The following ROR2 variants were observed in gnomAD, a reference collection of about 807,000 sequenced individuals.
ROR2 encodes the protein tyrosine-protein kinase transmembrane receptor ROR2.
ROR2 carries 33 observed loss-of-function variants against 74.9 expected under a neutral mutation model. The observed-to-expected ratio is 0.44, with a 90% CI of 0.33 to 0.59. ROR2 has a LOEUF of 0.59. Among genes scored for constraint, ROR2 ranks in the 20% least tolerant of loss-of-function variants. ROR2 has a pLI of 0.02. For missense variants in ROR2, 1,216 were observed against 1,313.8 expected (o/e 0.93, Z 1.15); for synonymous variants, 586 against 558.7 (o/e 1.05, Z -0.69).
Position 91,905,514 on chromosome 9 carries a change from TCA to T in ROR2, c.97+44351_97+44352del, listed in dbSNP as rs1830792058. Among the ~76,000 whole-genome samples, 1 of 149,016 alleles carries T rather than the reference TCA, an allele frequency of 6.7e-6. No individual in the cohort carries two copies. The highest frequency in any genetic ancestry group is 1.5e-5 in the Non-Finnish European group (1 of 67,154). On this transcript the variant is annotated intron_variant, in intron 1 of 8. Transcript: ENST00000375708. The surrounding 1 kb of genome is among the most constrained non-coding windows in gnomAD (Gnocchi z 5.3). ...ACCACATACACGACATACACAGACA[TCA>T]CACACTACACACAACCCAACATACA...
chr9:91,757,132 A>G, intron 3 of ROR2, 140 bp downstream of exon 3: 1 of 1,079,078 alleles, frequency 9.3e-7, no homozygotes, highest in Non-Finnish European at 1.4e-6. Flanking sequence ...GCACATGGGG[A>G]AGGCCCTAGG....
intron 1 of ROR2, among the ~76,000 whole-genome samples, chr9:91,903,625 G>GC (rs1830728326): frequency 6.6e-6 from 1 of 152,226 alleles, no homozygotes; most frequent in South Asian, 2.1e-4. Flanking sequence ...TCCTAAACCA[G>GC]CCCCTAAGTC....
At chr9:91,906,678 T>C (rs986623907) in intron 1 of ROR2, among the ~76,000 whole-genome samples, 2 of 152,250 alleles carry the variant, frequency 1.3e-5, no homozygotes, top group Admixed American at 1.3e-4. Flanking sequence ...GGGGATTTCA[T>C]CTATCCTTTT....
chr9:91,843,308 T>A (rs1828837908), intron 1 of ROR2, among the ~76,000 whole-genome samples: 1 of 152,156 alleles, frequency 6.6e-6, no homozygotes. Context: ...CTAAAGTCAG[T>A]GGGGTCTGAG....
At chr9:91,901,240 T>G (rs1432521057) in intron 1 of ROR2, among the ~76,000 whole-genome samples, 1 of 152,242 alleles carries the variant, frequency 6.6e-6, no homozygotes, top group Non-Finnish European at 1.5e-5. Context: ...TTAGTATAAG[T>G]TAGACTATCT....
intron 1 of ROR2, among the ~76,000 whole-genome samples, chr9:91,800,692 G>A (rs1031743854): frequency 3.9e-5 from 6 of 152,342 alleles, no homozygotes; most frequent in Middle Eastern, 3.4e-3. Context: ...AGCACAGCAC[G>A]TGGGCATCAC....
chr9:91,893,248 G>A (rs951418984), intron 1 of ROR2, among the ~76,000 whole-genome samples: 1 of 152,074 alleles, frequency 6.6e-6, no homozygotes, highest in Non-Finnish European at 1.5e-5. Flanking sequence ...TGTAATCCTA[G>A]CACTTTGGGA....
chr9:91,903,320 G>A (rs1649418899), intron 1 of ROR2, among the ~76,000 whole-genome samples: 3 of 152,018 alleles, frequency 2.0e-5, no homozygotes, highest in Admixed American at 6.5e-5. Context: ...ACCCCAACCC[G>A]CTGGCTTCCC....
rs192940731 is a variant in ROR2 at position 91,828,953 on chromosome 9, T to A, written c.98-53135A>T. Among the ~76,000 whole-genome samples the A allele has an allele frequency of 2.3e-4, 35 of 152,354 alleles. 1 individual carries two copies. Among genetic ancestry groups the A allele is most frequent in the Admixed American group, 4.6e-4 (7 of 15,300 alleles). ...TTAATTAACATTATAAAAAGCTAAG[T>A]GGGAGATTAATTTCTTAAAAGCCTT... On this transcript the variant is annotated intron_variant, in intron 1 of 8. Coordinates refer to ENST00000375708, the MANE Select transcript of ROR2 (RefSeq NM_004560.4).
intron 1 of ROR2, among the ~76,000 whole-genome samples, chr9:91,890,037 CA>C (rs922090575): frequency 3.3e-4 from 50 of 152,298 alleles, no homozygotes; most frequent in African/African-American, 1.1e-3. Flanking sequence ...GACCCCAGGG[CA>C]GGGGAGTTAG....
intron 2 of ROR2, among the ~76,000 whole-genome samples, chr9:91,765,809 T>C (rs981015597): frequency 6.6e-6 from 1 of 152,220 alleles, no homozygotes; most frequent in African/African-American, 2.4e-5. Context: ...CCCAAGGCTC[T>C]TGATGAAACT....
rs184927854 is a variant in ROR2, at chr9:91,864,359, G to A, written c.97+85508C>T. On this transcript the variant is annotated intron_variant, in intron 1 of 8. Coordinates refer to ENST00000375708, the MANE Select transcript of ROR2 (RefSeq NM_004560.4). ...TCCTGCCACAAGTCCACAAGCCCAC[G>A]CTGGGCCCCAAGTCCACCTGTCCCT... Among the ~76,000 whole-genome samples, 9 of 152,296 alleles carry A rather than the reference G, an allele frequency of 5.9e-5. No homozygotes were observed. In the South Asian group the frequency reaches 1.5e-3, roughly 25 times the overall value.
chr9:91,771,922 C>A (rs1189245575), intron 2 of ROR2, among the ~76,000 whole-genome samples: 1 of 152,202 alleles, frequency 6.6e-6, no homozygotes, highest in Admixed American at 6.5e-5. Flanking sequence ...GTTTATACAT[C>A]ATGACTGATG....
intron 1 of ROR2, among the ~76,000 whole-genome samples, chr9:91,789,284 G>C (rs1826896519): frequency 6.6e-6 from 1 of 152,048 alleles, no homozygotes; most frequent in African/African-American, 2.4e-5. Flanking sequence ...TCTATCATTA[G>C]CAGACTACCC....
chr9:91,925,842 A>AG (rs901084860), intron 1 of ROR2, among the ~76,000 whole-genome samples: 3 of 152,224 alleles, frequency 2.0e-5, no homozygotes, highest in African/African-American at 7.2e-5. Flanking sequence ...TGGGTAGAGA[A>AG]GCCACCAACT....
Position 91,731,172 on chromosome 9 carries a change from C to A in ROR2, c.938-17G>T. Reference sequence around the variant, plus strand: ...ACTGATGGTCTGAACAAGGAAAACACGTTAGGAAAACCTCCGGGGTACAAC... The same window carrying A: ...ACTGATGGTCTGAACAAGGAAAACAAGTTAGGAAAACCTCCGGGGTACAAC... On this transcript the variant is annotated splice_polypyrimidine_tract_variant and intron_variant, in intron 6 of 8. Coordinates refer to ENST00000375708, the MANE Select transcript of ROR2 (RefSeq NM_004560.4). The A allele has an allele frequency of 1.2e-6, 2 of 1,613,900 alleles. No individual in the cohort carries two copies. The highest frequency in any genetic ancestry group is 1.7e-6 in the Non-Finnish European group (2 of 1,180,022).
chr9:91,911,138 A>T (rs1830968763), intron 1 of ROR2, among the ~76,000 whole-genome samples: 1 of 152,134 alleles, frequency 6.6e-6, no homozygotes. Flanking sequence ...CTACCCCACC[A>T]CCTGTTCCTT....
At chr9:91,817,314 A>T (rs1827973888) in intron 1 of ROR2, among the ~76,000 whole-genome samples, 1 of 152,242 alleles carries the variant, frequency 6.6e-6, no homozygotes, top group Non-Finnish European at 1.5e-5. Context: ...CCACCAAGGA[A>T]GGCAGGAGAC....
intron 4 of ROR2, 125 bp downstream of exon 4, chr9:91,755,946 T>A: frequency 2.0e-6 from 2 of 992,820 alleles, no homozygotes; most frequent in Non-Finnish European, 3.2e-6. Flanking sequence ...CACCCCTGTG[T>A]GAAGCCCAGC....
Sources: allele counts gnomAD v4.1 joint callset (sites outside exome capture counted in the v4.1 genomes callset), GRCh38; gene constraint gnomAD v4.1.1; non-coding constraint Gnocchi (gnomAD v3.1); transcripts MANE v1.5; gene names NCBI Gene and HGNC (gene_info 2026-07-23, HGNC 2026-07-21).